The following CSMD1 variants were observed in gnomAD, a reference collection of about 807,000 sequenced individuals.
CSMD1 encodes CUB and sushi domain-containing protein 1.
In CSMD1, 213 loss-of-function variants were observed where a neutral mutation model predicts 417.5. That is an observed-to-expected ratio of 0.51 (90% CI 0.46 to 0.57). CSMD1 has a LOEUF of 0.57. Among genes scored for constraint, CSMD1 ranks in the 20% least tolerant of loss-of-function variants. The pLI is 0.00. For missense variants in CSMD1, 6,923 were observed against 4,529.7 expected, an observed-to-expected ratio of 1.53 and a Z score of -15.17; for synonymous variants, 2,862 against 1,736.8, an observed-to-expected ratio of 1.65 and a Z score of -16.11.
chr8:3,536,995 T>C (rs1798229513), intron 10 of CSMD1, among the ~76,000 whole-genome samples: 1 of 152,118 alleles, frequency 6.6e-6, no homozygotes, highest in African/African-American at 2.4e-5. Context: ...TCAAACTCTT[T>C]TTTTCTTTTC....
rs530541538 is a variant in CSMD1, at chr8:4,115,899, G to T, written c.416-83800C>A. Among the ~76,000 whole-genome samples, 12 of 152,200 alleles carry T rather than the reference G, an allele frequency of 7.9e-5. 1 individual carries two copies. The highest frequency in any genetic ancestry group is 1.6e-4 in the Non-Finnish European group (11 of 68,002). On this transcript the variant is annotated intron_variant, in intron 3 of 69. Transcript: ENST00000635120. Reference sequence around the variant, plus strand: ...TGGGAAAACAGGAAGACAGAAGAAAGATCAGTGGTTGCCAGTGACTGGGGG... The same window carrying T: ...TGGGAAAACAGGAAGACAGAAGAAATATCAGTGGTTGCCAGTGACTGGGGG...
chr8:4,292,681 AG>A (rs1460634967), intron 3 of CSMD1, among the ~76,000 whole-genome samples: 7 of 152,208 alleles, frequency 4.6e-5, no homozygotes, highest in African/African-American at 1.7e-4. Flanking sequence ...AATATTCATT[AG>A]AAAAAATGAT....
rs563971261 is a variant in CSMD1, at chr8:4,024,253, T to G, written c.610+7652A>C. On this transcript the variant is annotated intron_variant, in intron 4 of 69. Transcript: ENST00000635120. ...ACATATTAATACTCATATCAAGGTG[T>G]CAATTGAGAAAGTTCACAACGGATA... is the stretch of plus-strand genomic sequence containing the variant. 1.1e-3 allele frequency among the ~76,000 whole-genome samples: 166 copies of G among 152,244 alleles called. 1 individual carries two copies. The highest frequency in any genetic ancestry group is 1.7e-3 in the Non-Finnish European group (116 of 68,016).
intron 1 of CSMD1, among the ~76,000 whole-genome samples, chr8:4,841,911 C>CAAAAA (rs397757527): frequency 2.9e-5 from 1 of 34,828 alleles, no homozygotes; most frequent in Non-Finnish European, 4.3e-5. Context: ...AACTCCGTCT[C>CAAAAA]AAAAAAAAAA....
At chr8:4,549,448 T>C (rs1394756724) in intron 2 of CSMD1, among the ~76,000 whole-genome samples, 3 of 152,346 alleles carry the variant, frequency 2.0e-5, no homozygotes, top group African/African-American at 7.2e-5. Context: ...GCTTTTTTAA[T>C]TGACTCTGTT....
intron 2 of CSMD1, among the ~76,000 whole-genome samples, chr8:4,597,079 G>A (rs1429688470): frequency 1.3e-5 from 2 of 150,956 alleles, no homozygotes; most frequent in Admixed American, 1.3e-4. Flanking sequence ...GTCTTTTTCA[G>A]CAGCATGAAA....
rs184199989 is a variant in CSMD1 at position 4,216,822 on chromosome 8, G to C, written c.416-184723C>G. On this transcript the variant is annotated intron_variant, in intron 3 of 69. Transcript: ENST00000635120. ...ACACACAGAATTCCAACACAAGAAAGAGGTAAACATGAGGATGGGGTGTCA... is the reference window on the plus strand; with the variant it reads ...ACACACAGAATTCCAACACAAGAAACAGGTAAACATGAGGATGGGGTGTCA... Among the ~76,000 whole-genome samples the C allele has an allele frequency of 3.3e-5, 5 of 152,280 alleles. No homozygotes were observed. The East Asian group carries it at 9.7e-4, about 29-fold the overall frequency.
At chr8:4,095,394 T>A (rs10097764) in intron 3 of CSMD1, among the ~76,000 whole-genome samples, 32,947 of 151,930 alleles carry the variant, frequency 0.22, 4,367 homozygotes, top group African/African-American at 0.36. Flanking sequence ...AACAAAAAAG[T>A]AAAAAAGAAA....
chr8:4,315,618 G>C (rs1375301794), intron 3 of CSMD1, among the ~76,000 whole-genome samples: 1 of 152,018 alleles, frequency 6.6e-6, no homozygotes, highest in Non-Finnish European at 1.5e-5. Context: ...AGTAAACTTG[G>C]TTTCCAAAGA....
intron 10 of CSMD1, among the ~76,000 whole-genome samples, chr8:3,513,792 G>T (rs1055608823): frequency 6.6e-6 from 1 of 152,196 alleles, no homozygotes; most frequent in African/African-American, 2.4e-5. Flanking sequence ...GAGATAGACA[G>T]CATTTTAATT....
intron 1 of CSMD1, among the ~76,000 whole-genome samples, chr8:4,871,786 G>C (rs551157570): frequency 6.6e-6 from 1 of 152,062 alleles, no homozygotes; most frequent in African/African-American, 2.4e-5. Context: ...TGTACATTTA[G>C]ATTGTACACT....
chr8:4,360,115 C>G (rs188178237), intron 3 of CSMD1, among the ~76,000 whole-genome samples: 30 of 152,256 alleles, frequency 2.0e-4, no homozygotes, highest in Non-Finnish European at 4.1e-4. Context: ...GTCTGGTTTC[C>G]TCTCTGCAGG....
intron 5 of CSMD1, among the ~76,000 whole-genome samples, chr8:3,858,819 T>C (rs1373891389): frequency 1.3e-5 from 2 of 152,188 alleles, no homozygotes; most frequent in African/African-American, 4.8e-5. Flanking sequence ...TATCGGGAAA[T>C]AACATGACTT....
At chr8:4,511,850 A>G (rs1364385998) in intron 2 of CSMD1, among the ~76,000 whole-genome samples, 1 of 152,154 alleles carries the variant, frequency 6.6e-6, no homozygotes, top group Non-Finnish European at 1.5e-5. Context: ...GGTTCTCACA[A>G]GGAATATTGG....
chr8:4,903,835 G>A (rs934271076), intron 1 of CSMD1, among the ~76,000 whole-genome samples: 5 of 152,114 alleles, frequency 3.3e-5, no homozygotes, highest in East Asian at 1.9e-4. Context: ...TGGCCAAGAA[G>A]TACTTCCCAT....
intron 12 of CSMD1, among the ~76,000 whole-genome samples, chr8:3,412,478 C>G (rs1041933584): frequency 6.6e-6 from 1 of 152,052 alleles, no homozygotes; most frequent in African/African-American, 2.4e-5. Context: ...AGAGGAGAAA[C>G]TTTACTTCTA....
At chr8:2,984,434 C>T (rs112074569) in intron 54 of CSMD1, among the ~76,000 whole-genome samples, 5,307 of 152,078 alleles carry the variant, frequency 0.035, 121 homozygotes, top group Non-Finnish European at 0.035. Context: ...CTGCAACCTC[C>T]GCCTCCCTGG....
chr8:3,100,003 T>G (rs1226334417), intron 46 of CSMD1, among the ~76,000 whole-genome samples: 1 of 152,126 alleles, frequency 6.6e-6, no homozygotes, highest in East Asian at 1.9e-4. Flanking sequence ...GTTTTCAAAA[T>G]TCATGTGGGG....
intron 3 of CSMD1, among the ~76,000 whole-genome samples, chr8:4,361,677 G>T (rs1181893565): frequency 6.6e-6 from 1 of 152,060 alleles, no homozygotes; most frequent in African/African-American, 2.4e-5. Flanking sequence ...GCAGCCAGGT[G>T]CGACGGCTTG....
Sources: gnomAD v4.1 joint callset for allele counts (sites outside exome capture counted in the v4.1 genomes callset) on GRCh38, gnomAD v4.1.1 for gene constraint, MANE v1.5 for transcripts, NCBI Gene and HGNC (gene_info 2026-07-23, HGNC 2026-07-21) for gene names.